C12orf75: variants seen among roughly 807,000 people sequenced by gnomAD.
C12orf75 encodes overexpressed in colon carcinoma 1 protein.
A neutral mutation model predicts 11.4 loss-of-function variants in C12orf75; 4 were observed. That is an observed-to-expected ratio of 0.35 (90% CI 0.17 to 0.80). C12orf75 has a LOEUF of 0.80. Among genes scored for constraint, C12orf75 ranks in the 30% least tolerant of loss-of-function variants. C12orf75 has a pLI of 0.52. For missense variants in C12orf75, 89 were observed against 80.4 expected (o/e 1.11, Z -0.41); for synonymous variants, 30 against 30.0 (o/e 1.00, Z 0.00).
intron 1 of C12orf75, among the ~76,000 whole-genome samples, chr12:105,342,841 A>G (rs1363799852): frequency 1.3e-5 from 2 of 152,256 alleles, no homozygotes; most frequent in African/African-American, 4.8e-5. Flanking sequence ...TGAAACTGCA[A>G]TATCAGATTA....
At chr12:105,334,151 G>A (rs1022622620) in intron 1 of C12orf75, among the ~76,000 whole-genome samples, 1 of 152,224 alleles carries the variant, frequency 6.6e-6, no homozygotes, top group Non-Finnish European at 1.5e-5. Flanking sequence ...ATTCTGGGTA[G>A]ACTTGCCCCT....
At position 105,345,863 on chromosome 12, in the gene C12orf75, C is replaced by T. The variant is rs568221044; in HGVS notation, c.47-2739C>T. Among the ~76,000 whole-genome samples the T allele has an allele frequency of 2.0e-5, 3 of 151,782 alleles. No individual in the cohort carries two copies. In the South Asian group the frequency reaches 6.3e-4, roughly 32 times the overall value. ...TTTTTTAGTAGAGATAGGGTTTCACCATGTTGGCCAGGCTGGTCTCAAACT... is the reference window on the plus strand; with the variant it reads ...TTTTTTAGTAGAGATAGGGTTTCACTATGTTGGCCAGGCTGGTCTCAAACT... On this transcript the variant is annotated intron_variant, in intron 1 of 5. Coordinates refer to ENST00000443585, the MANE Select transcript of C12orf75 (RefSeq NM_001145199.2).
chr12:105,370,254 C>T (rs1277845283), intron 5 of C12orf75, among the ~76,000 whole-genome samples: 1 of 152,096 alleles, frequency 6.6e-6, no homozygotes, highest in Admixed American at 6.5e-5. Context: ...GGGGGAGTGC[C>T]ATGTAATGTG....
rs188883135 is a variant in C12orf75, at chr12:105,347,908, T to G, written c.47-694T>G. On this transcript the variant is annotated intron_variant, in intron 1 of 5. Transcript: ENST00000443585. ...GCGCACAGTTTGACTTAACCTGCCG[T>G]GCAGACACCAACTTAAAAGGTGTAT... 2.1e-3 allele frequency among the ~76,000 whole-genome samples: 323 copies of G among 152,324 alleles called. 1 individual carries two copies. The highest frequency in any genetic ancestry group is 0.012 in the South Asian group (57 of 4,828).
chr12:105,330,705 A>T lies in C12orf75; in HGVS notation c.-187A>T. 7.3e-6 allele frequency: 3 copies of T among 408,184 alleles called. No homozygotes were observed. The highest frequency in any genetic ancestry group is 1.1e-5 in the Non-Finnish European group (3 of 271,220). 25.3% of individuals were successfully genotyped at this position (408,184 alleles called of 1,614,324 possible). ...GGGTGCCGGGTGGTTTCCGCCCGGC[A>T]GCCCGCAGCCCGCTGCGCCCCGGGC... On this transcript the variant is annotated 5_prime_UTR_variant, in exon 1 of 6. Coordinates refer to ENST00000443585, the MANE Select transcript of C12orf75 (RefSeq NM_001145199.2).
At chr12:105,339,720 CT>C (rs1892543192) in intron 1 of C12orf75, among the ~76,000 whole-genome samples, 1 of 151,946 alleles carries the variant, frequency 6.6e-6, no homozygotes, top group African/African-American at 2.4e-5. Context: ...GGGTTCATGC[CT>C]TTTTCCCGCC....
At chr12:105,364,293 A>G (rs955828922) in intron 2 of C12orf75, among the ~76,000 whole-genome samples, 5 of 152,230 alleles carry the variant, frequency 3.3e-5, no homozygotes, top group Non-Finnish European at 7.3e-5. Flanking sequence ...CAATAAGCAT[A>G]ACACCATTAG....
At chr12:105,350,248 C>T (rs998912174) in intron 2 of C12orf75, among the ~76,000 whole-genome samples, 2 of 152,222 alleles carry the variant, frequency 1.3e-5, no homozygotes, top group African/African-American at 2.4e-5. Flanking sequence ...TTCCCATCGT[C>T]CTCTGGACTG....
chr12:105,369,593 A>G (rs1378607391), intron 5 of C12orf75, among the ~76,000 whole-genome samples: 2 of 152,012 alleles, frequency 1.3e-5, no homozygotes, highest in Admixed American at 6.6e-5. Context: ...ATTTGTCCTA[A>G]TGCTCTCCCT....
intron 2 of C12orf75, among the ~76,000 whole-genome samples, chr12:105,352,749 G>A (rs1892728725): frequency 6.6e-6 from 1 of 152,142 alleles, no homozygotes; most frequent in Non-Finnish European, 1.5e-5. Context: ...AGAGAATAAC[G>A]ATGCATGTAA....
chr12:105,351,962 G>A (rs1158949650), intron 2 of C12orf75, among the ~76,000 whole-genome samples: 2 of 152,160 alleles, frequency 1.3e-5, no homozygotes, highest in South Asian at 2.1e-4. Context: ...CATGGGATGA[G>A]GGAGGGTGCA....
At chr12:105,357,802 G>GTGTGTGTGTGTGTA (rs1892804250) in intron 2 of C12orf75, among the ~76,000 whole-genome samples, 1 of 146,186 alleles carries the variant, frequency 6.8e-6, no homozygotes, top group Non-Finnish European at 1.5e-5. Flanking sequence ...GTGTGTGTGT[G>GTGTGTGTGTGTGTA]TGTGTGAGAG....
At chr12:105,361,855 C>T (rs879292205) in intron 2 of C12orf75, among the ~76,000 whole-genome samples, 7 of 152,186 alleles carry the variant, frequency 4.6e-5, no homozygotes, top group Non-Finnish European at 7.3e-5. Flanking sequence ...GACCAACCAC[C>T]GCTTTCTGAT....
intron 2 of C12orf75, among the ~76,000 whole-genome samples, chr12:105,355,180 C>CT (rs1555265695): frequency 3.0e-4 from 21 of 70,446 alleles, no homozygotes; most frequent in Non-Finnish European, 4.2e-4. Context: ...TTTTCTTTTT[C>CT]TTTTTTTTTT....
At chr12:105,343,420 T>G (rs1264974366) in intron 1 of C12orf75, among the ~76,000 whole-genome samples, 1 of 152,210 alleles carries the variant, frequency 6.6e-6, no homozygotes, top group Non-Finnish European at 1.5e-5. Flanking sequence ...ATTATACATA[T>G]TTGCTTAATA....
chr12:105,339,825 C>T (rs10861401), intron 1 of C12orf75, among the ~76,000 whole-genome samples: 77,974 of 151,410 alleles, frequency 0.51, 20,284 homozygotes, highest in Non-Finnish European at 0.55. Flanking sequence ...ACTGTGTTAG[C>T]TAGCTAGGAT....
At chr12:105,351,052 G>A (rs932920512) in intron 2 of C12orf75, among the ~76,000 whole-genome samples, 41 of 152,068 alleles carry the variant, frequency 2.7e-4, no homozygotes, top group African/African-American at 9.4e-4. Flanking sequence ...CCTGGAAAAA[G>A]TTAAAGAACA....
intron 1 of C12orf75, among the ~76,000 whole-genome samples, chr12:105,339,578 G>A (rs1383830719): frequency 6.6e-6 from 1 of 151,700 alleles, no homozygotes; most frequent in Non-Finnish European, 1.5e-5. Context: ...GTCATAAAAG[G>A]TATTAATGGA....
At chr12:105,337,629 A>G (rs1892512994) in intron 1 of C12orf75, among the ~76,000 whole-genome samples, 1 of 152,126 alleles carries the variant, frequency 6.6e-6, no homozygotes, top group South Asian at 2.1e-4. Flanking sequence ...TGAAATCTGA[A>G]AACTATGTCA....
Sources: gnomAD v4.1 joint callset for allele counts (sites outside exome capture counted in the v4.1 genomes callset) on GRCh38, gnomAD v4.1.1 for gene constraint, MANE v1.5 for transcripts, NCBI Gene and HGNC (gene_info 2026-07-23, HGNC 2026-07-21) for gene names.